Variants in MPP7 observed in about 807,000 individuals in gnomAD.
The protein encoded by MPP7 is MAGUK p55 subfamily member 7.
Under a neutral mutation model 76.5 loss-of-function variants are expected in MPP7, and 60 were observed. The ratio of observed to expected loss-of-function variants is 0.78; its 90% CI spans 0.64 to 0.97. The LOEUF is 0.97. Ranked by LOEUF, MPP7 falls within the 50% of genes least tolerant of loss-of-function variation. MPP7 has a pLI of 0.00. For missense variants in MPP7, 641 were observed against 694.0 expected (o/e 0.92, Z 0.86); for synonymous variants, 237 against 244.5 (o/e 0.97, Z 0.29).
chr10:28,282,716 C>T (rs1032080930), intron 1 of MPP7, among the ~76,000 whole-genome samples: 44 of 152,118 alleles, frequency 2.9e-4, no homozygotes, highest in African/African-American at 1.0e-3. Flanking sequence ...AGCTCCCCAT[C>T]TCCAGTCATC....
chr10:28,140,341 A>G (rs972184979), intron 5 of MPP7, among the ~76,000 whole-genome samples: 3 of 151,940 alleles, frequency 2.0e-5, no homozygotes, highest in Non-Finnish European at 4.4e-5. Context: ...TGAAACCCCA[A>G]TCTCTACTAA....
At chr10:28,119,213 A>G (rs2133601830) in intron 11 of MPP7, among the ~76,000 whole-genome samples, 1 of 152,250 alleles carries the variant, frequency 6.6e-6, no homozygotes, top group Admixed American at 6.5e-5. Flanking sequence ...TGATCTGGGG[A>G]TAAGAAAGGA....
chr10:28,192,904 TG>T (rs1444893609), intron 3 of MPP7, among the ~76,000 whole-genome samples: 2 of 152,180 alleles, frequency 1.3e-5, no homozygotes, highest in Non-Finnish European at 2.9e-5. Context: ...CAGCATGTGT[TG>T]ATGAAAGTAT....
At chr10:28,137,040 C>G (rs1210172741) in intron 5 of MPP7, among the ~76,000 whole-genome samples, 1 of 151,914 alleles carries the variant, frequency 6.6e-6, no homozygotes, top group Non-Finnish European at 1.5e-5. Context: ...TAAAACACCA[C>G]CAAAATGCTT....
chr10:28,103,744 A>C (rs1205942121), intron 11 of MPP7, among the ~76,000 whole-genome samples: 1 of 123,038 alleles, frequency 8.1e-6, no homozygotes, highest in Non-Finnish European at 1.5e-5. Flanking sequence ...GCACTCAAAA[A>C]TATTGTTATA....
At position 28,200,767 on chromosome 10, in the gene MPP7, T is replaced by TAA. The variant is rs557341430; in HGVS notation, c.156+1385_156+1386insTT. ...ACTCACAAACAACCCTGTAAACAGA[T>TAA]ATTATAACTTTAATTTTATAGGTAA... On this transcript the variant is annotated intron_variant, in intron 3 of 16. Transcript: ENST00000683449. Among the ~76,000 whole-genome samples the TAA allele has an allele frequency of 6.6e-5, 10 of 152,324 alleles. No individual in the cohort carries two copies. The East Asian group carries it at 1.7e-3, about 26-fold the overall frequency.
intron 15 of MPP7, chr10:28,057,696 C>T (rs1184847880): frequency 4.0e-6 from 5 of 1,258,014 alleles, no homozygotes; most frequent in Non-Finnish European, 5.1e-6. Flanking sequence ...TAACACAGTG[C>T]CCAAGTCAGG....
chr10:28,151,094 T>G (rs1007311157), intron 3 of MPP7, among the ~76,000 whole-genome samples: 1 of 152,082 alleles, frequency 6.6e-6, no homozygotes, highest in Admixed American at 6.5e-5. Flanking sequence ...ACTCTTTAAT[T>G]ATACTCAAAG....
intron 11 of MPP7, among the ~76,000 whole-genome samples, chr10:28,099,638 C>G (rs933416504): frequency 2.0e-5 from 3 of 152,002 alleles, no homozygotes; most frequent in Non-Finnish European, 2.9e-5. Context: ...AACCCCGTCT[C>G]TACTAAAAAT....
rs550408639 is a variant in MPP7, at chr10:28,279,587, C to T, written c.-132+23274G>A. 5.9e-5 allele frequency among the ~76,000 whole-genome samples: 9 copies of T among 151,974 alleles called. No individual in the cohort carries two copies. In the South Asian group the frequency reaches 1.9e-3, roughly 32 times the overall value. On this transcript the variant is annotated intron_variant, in intron 1 of 16. Transcript: ENST00000683449. Reference sequence around the variant, plus strand: ...GGGCATGGTGGCACATGCCTATAATCCCAGCAACTCAGGAGGCCGAGGCAG... The same window carrying T: ...GGGCATGGTGGCACATGCCTATAATTCCAGCAACTCAGGAGGCCGAGGCAG...
intron 16 of MPP7, 82 bp from the exon 17 acceptor site, chr10:28,054,326 G>T: frequency 1.2e-6 from 1 of 814,124 alleles, no homozygotes. Context: ...TCTACAATTG[G>T]TTTACCTAAT....
intron 11 of MPP7, among the ~76,000 whole-genome samples, chr10:28,103,614 G>A (rs991537776): frequency 2.0e-5 from 3 of 151,860 alleles, no homozygotes; most frequent in South Asian, 2.1e-4. Flanking sequence ...ACCATCTAAC[G>A]AATTATTCAG....
intron 2 of MPP7, among the ~76,000 whole-genome samples, chr10:28,203,918 C>G (rs989015717): frequency 6.6e-6 from 1 of 152,162 alleles, no homozygotes; most frequent in Non-Finnish European, 1.5e-5. Context: ...TTAGAACAGT[C>G]CCTGTCACAT....
chr10:28,250,769 T>C (rs1839589617), intron 1 of MPP7, among the ~76,000 whole-genome samples: 1 of 152,242 alleles, frequency 6.6e-6, no homozygotes, highest in South Asian at 2.1e-4. Context: ...TTCTTTGAAT[T>C]TGATCACTCT....
chr10:28,197,251 C>T (rs2133968024), intron 3 of MPP7, among the ~76,000 whole-genome samples: 1 of 147,678 alleles, frequency 6.8e-6, no homozygotes, highest in East Asian at 2.0e-4. Context: ...GGCACGATCT[C>T]AGCTCACTGC....
At chr10:28,331,572 T>C (rs1834470214) in intron 1 of MPP7, among the ~76,000 whole-genome samples, 1 of 152,052 alleles carries the variant, frequency 6.6e-6, no homozygotes, top group African/African-American at 2.4e-5. Context: ...TTTTAAAAAT[T>C]ATTAGTATTA....
intron 12 of MPP7, among the ~76,000 whole-genome samples, chr10:28,079,456 C>A (rs753219150): frequency 6.6e-6 from 1 of 151,862 alleles, no homozygotes; most frequent in African/African-American, 2.4e-5. Flanking sequence ...AGTTTGAGTC[C>A]AGCCTGGGCA....
intron 2 of MPP7, among the ~76,000 whole-genome samples, chr10:28,208,911 G>A (rs73608069): frequency 0.013 from 1,984 of 151,490 alleles, 45 homozygotes; most frequent in African/African-American, 0.045. Flanking sequence ...GAAGGTGACT[G>A]GATCATGGGG....
intron 11 of MPP7, among the ~76,000 whole-genome samples, chr10:28,100,407 C>T (rs1215930500): frequency 6.6e-6 from 1 of 151,924 alleles, no homozygotes; most frequent in South Asian, 2.1e-4. Context: ...AAGTAAAAAT[C>T]TTGGGAGGAG....
Sources: allele counts gnomAD v4.1 joint callset (sites outside exome capture counted in the v4.1 genomes callset), GRCh38; gene constraint gnomAD v4.1.1; transcripts MANE v1.5; gene names NCBI Gene and HGNC (gene_info 2026-07-23, HGNC 2026-07-21).